The following STOM variants were observed in gnomAD, a reference collection of about 807,000 sequenced individuals.
STOM encodes the protein stomatin, also known as erythrocyte band 7 integral membrane protein.
In STOM, 25 loss-of-function variants were observed where a neutral mutation model predicts 30.6. That is an observed-to-expected ratio of 0.82 (90% CI 0.60 to 1.14). The LOEUF is 1.14. Ranked by LOEUF, STOM falls within the 50% of genes most tolerant of loss-of-function variation. STOM has a pLI of 0.00. For missense variants in STOM, 292 were observed against 365.2 expected (o/e 0.80, Z 1.63); for synonymous variants, 118 against 130.8 (o/e 0.90, Z 0.67).
intron 1 of STOM, among the ~76,000 whole-genome samples, chr9:121,363,897 G>A (rs1016399391): frequency 9.9e-5 from 15 of 152,244 alleles, no homozygotes; most frequent in Non-Finnish European, 1.5e-4. Context: ...GCCTTTATAA[G>A]GCCTGATAAA....
At chr9:121,366,294 C>T (rs1212396698) in intron 1 of STOM, 6 of 973,862 alleles carry the variant, frequency 6.2e-6, no homozygotes, top group South Asian at 4.8e-5. Flanking sequence ...AATGTAGCAA[C>T]AAGTGTGTGT....
chr9:121,344,357 C>T (rs1371218837), intron 6 of STOM, among the ~76,000 whole-genome samples: 1 of 152,134 alleles, frequency 6.6e-6, no homozygotes, highest in Non-Finnish European at 1.5e-5. Flanking sequence ...GCACTTTTTT[C>T]TTTGGACATG....
chr9:121,367,216 G>A (rs974755185), intron 1 of STOM, among the ~76,000 whole-genome samples: 6 of 152,122 alleles, frequency 3.9e-5, no homozygotes, highest in African/African-American at 1.4e-4. Flanking sequence ...TTTTTTTGTA[G>A]TTACAATAGT....
chr9:121,340,876 G>A lies in STOM; in HGVS notation c.*326C>T. On this transcript the variant is annotated 3_prime_UTR_variant, in exon 7 of 7. Transcript: ENST00000286713. ...TCAGCGGTGTCAGGTGGCAGTTACAGCCCAGGTTCTTGCCTCTGGCCTGGG... is the reference window on the plus strand; with the variant it reads ...TCAGCGGTGTCAGGTGGCAGTTACAACCCAGGTTCTTGCCTCTGGCCTGGG... 1 of 1,153,668 alleles carries A rather than the reference G, an allele frequency of 8.7e-7. No individual in the cohort carries two copies. Among genetic ancestry groups the A allele is most frequent in the Non-Finnish European group, 1.1e-6 (1 of 929,782 alleles). 71.5% of individuals were successfully genotyped at this position (1,153,668 alleles called of 1,614,324 possible).
At position 121,349,359 on chromosome 9, in the gene STOM, C is replaced by A. The variant is rs762793476; in HGVS notation, c.322-36G>T. 2.3e-5 allele frequency: 37 copies of A among 1,595,600 alleles called. No individual in the cohort carries two copies. In the African/African-American group the frequency reaches 4.7e-4, roughly 20 times the overall value. On this transcript the variant is annotated intron_variant, in intron 4 of 6. Coordinates refer to ENST00000286713, the MANE Select transcript of STOM (RefSeq NM_004099.6). ...AAGGAAGCAATTTTACATCTGTCAA[C>A]GACTTTTTTTTAACATAACTGTAAG... is the stretch of plus-strand genomic sequence containing the variant.
In STOM at chr9:121,343,201, A is replaced by G. The variant is rs542706672; in HGVS notation, c.661-1793T>C. 3.9e-5 allele frequency among the ~76,000 whole-genome samples: 6 copies of G among 152,356 alleles called. No individual in the cohort carries two copies. The South Asian group carries it at 8.3e-4, about 21-fold the overall frequency. On this transcript the variant is annotated intron_variant, in intron 6 of 6. Coordinates refer to ENST00000286713, the MANE Select transcript of STOM (RefSeq NM_004099.6). ...GAAGAAGGAAAGGTATTAAGACACCATAATTATCAAGATTAAAAGTACAAT... is the reference window on the plus strand; with the variant it reads ...GAAGAAGGAAAGGTATTAAGACACCGTAATTATCAAGATTAAAAGTACAAT...
chr9:121,352,027 A>G (rs10985216), intron 4 of STOM, among the ~76,000 whole-genome samples: 8,956 of 152,288 alleles, frequency 0.059, 321 homozygotes, highest in East Asian at 0.16. Context: ...AGTAATAACA[A>G]TGATGATATT....
intron 2 of STOM, among the ~76,000 whole-genome samples, chr9:121,354,898 G>A (rs895674213): frequency 2.0e-4 from 31 of 152,118 alleles, no homozygotes; most frequent in South Asian, 1.2e-3. Flanking sequence ...TATAAATTTA[G>A]GAAGGACAGA....
intron 1 of STOM, chr9:121,369,775 G>A (rs1187866459): frequency 1.8e-5 from 5 of 283,014 alleles, no homozygotes; most frequent in Non-Finnish European, 2.7e-5. Context: ...TGAGATGTGG[G>A]GTCCCGGTCC....
rs369630995 is a variant in STOM at position 121,341,236 on chromosome 9, C to T, written c.833G>A (p.Gly278Glu). Residue 278 changes from glycine to glutamate, a missense_variant, in exon 7 of 7, where the codon GGA (glycine) becomes GAA (glutamate). Gly to Glu is a moderately conservative substitution (Grantham distance 98). Transcript: ENST00000286713. ...VFPLPIDMLQ[G>E]IIGAKHSHLG Reference sequence around the variant, plus strand: ...ATGGCTGTGTTTTGCCCCTATGATTCCTTGCAGCATATCTATGGGCAGAGG... The same window carrying T: ...ATGGCTGTGTTTTGCCCCTATGATTTCTTGCAGCATATCTATGGGCAGAGG... The T allele has an allele frequency of 1.2e-5, 20 of 1,614,132 alleles. No homozygotes were observed. Among genetic ancestry groups the T allele is most frequent in the Non-Finnish European group, 1.5e-5 (18 of 1,180,044 alleles).
At chr9:121,355,004 A>C (rs1181893854) in intron 2 of STOM, among the ~76,000 whole-genome samples, 1 of 152,122 alleles carries the variant, frequency 6.6e-6, no homozygotes, top group Admixed American at 6.5e-5. Context: ...TCACGCCTGT[A>C]ATTTCAGCAT....
chr9:121,346,990 G>T lies in STOM; in HGVS notation c.660+1025C>A, dbSNP rs564243133. Among the ~76,000 whole-genome samples, 10 of 152,332 alleles carry T rather than the reference G, an allele frequency of 6.6e-5. No homozygotes were observed. The South Asian group carries it at 2.1e-3, about 32-fold the overall frequency. On this transcript the variant is annotated intron_variant, in intron 6 of 6. Coordinates refer to ENST00000286713, the MANE Select transcript of STOM (RefSeq NM_004099.6). ...CACAGCAACTCCTCCTATGAAAACT[G>T]CTCTTCTTCTTCAGCCCATTCACAG...
intron 1 of STOM, among the ~76,000 whole-genome samples, chr9:121,362,614 T>C (rs1001342092): frequency 6.6e-6 from 1 of 152,200 alleles, no homozygotes; most frequent in African/African-American, 2.4e-5. Context: ...ATTCTGAAGG[T>C]ATCTTTTGTT....
rs545036595 is a variant in STOM, at chr9:121,358,191, T to C, written c.62-2035A>G. 1.3e-3 allele frequency among the ~76,000 whole-genome samples: 194 copies of C among 151,944 alleles called. 1 individual carries two copies. The highest frequency in any genetic ancestry group is 4.4e-3 in the African/African-American group (184 of 41,432). Reference sequence around the variant, plus strand: ...ATATGCTTCTGCCAGGCATGGTGGCTCACGCCTGTAATCCCAGCACTTTGG... The same window carrying C: ...ATATGCTTCTGCCAGGCATGGTGGCCCACGCCTGTAATCCCAGCACTTTGG... On this transcript the variant is annotated intron_variant, in intron 1 of 6. Coordinates refer to ENST00000286713, the MANE Select transcript of STOM (RefSeq NM_004099.6).
chr9:121,354,652 C>T lies in STOM; in HGVS notation c.187G>A (p.Ala63Thr), dbSNP rs2064368823. 4 of 1,610,318 alleles carry T rather than the reference C, an allele frequency of 2.5e-6. No individual in the cohort carries two copies. Among genetic ancestry groups the T allele is most frequent in the Admixed American group, 1.7e-5 (1 of 59,660 alleles). The change falls in exon 3 of 7, where the codon GCC becomes ACC. Residue 63 changes from alanine (A) to threonine (T), a missense_variant. Coordinates refer to ENST00000286713, the MANE Select transcript of STOM (RefSeq NM_004099.6). Reference sequence around the variant, plus strand: ...ATGCGACCCAATCTAAAGATGATGGCTCTTTCATACTCTTTTATAATCTAG... The same window carrying T: ...ATGCGACCCAATCTAAAGATGATGGTTCTTTCATACTCTTTTATAATCTAG... ...CIKIIKEYER[A>T]IIFRLGRILQ... is the part of the protein sequence containing the mutation.
intron 5 of STOM, 108 bp downstream of exon 5, chr9:121,349,012 G>T: frequency 7.9e-7 from 1 of 1,264,106 alleles, no homozygotes; most frequent in Non-Finnish European, 1.1e-6. Context: ...AAAAAAAAAC[G>T]GTCACAGACC....
At chr9:121,368,218 A>G (rs886821174) in intron 1 of STOM, among the ~76,000 whole-genome samples, 1 of 152,210 alleles carries the variant, frequency 6.6e-6, no homozygotes, top group African/African-American at 2.4e-5. Flanking sequence ...TTTTCATTAG[A>G]TCTTGAAAGA....
At chr9:121,365,091 T>A (rs1210550735) in intron 1 of STOM, among the ~76,000 whole-genome samples, 1 of 152,062 alleles carries the variant, frequency 6.6e-6, no homozygotes, top group East Asian at 1.9e-4. Flanking sequence ...CAAAAAACAT[T>A]TGTTAAATAG....
At chr9:121,357,734 G>A (rs942092184) in intron 1 of STOM, among the ~76,000 whole-genome samples, 5 of 151,750 alleles carry the variant, frequency 3.3e-5, no homozygotes, top group Non-Finnish European at 7.4e-5. Context: ...CACTGCGCCC[G>A]GCCTTAAATC....
Sources: allele counts gnomAD v4.1 joint callset (sites outside exome capture counted in the v4.1 genomes callset), GRCh38; gene constraint gnomAD v4.1.1; transcripts MANE v1.5; gene names NCBI Gene and HGNC (gene_info 2026-07-23, HGNC 2026-07-21).